Variants in CDK6 observed in about 807,000 individuals in gnomAD.
CDK6 encodes the protein cyclin-dependent kinase 6.
CDK6 carries 6 observed loss-of-function variants against 37.1 expected under a neutral mutation model. That is an observed-to-expected ratio of 0.16 (90% CI 0.09 to 0.32). CDK6 has a LOEUF of 0.32. Ranked by LOEUF, CDK6 falls within the 10% of genes least tolerant of loss-of-function variation. The probability of loss-of-function intolerance (pLI) is 1.00; values close to 1 mark genes in which losing one functional copy is unlikely to be tolerated. For synonymous variants in CDK6, 160 were observed against 161.3 expected (o/e 0.99, Z 0.06); for missense variants, 224 against 418.9 (o/e 0.53, Z 4.06).
Position 92,611,114 on chromosome 7 carries a change from T to TA in CDK6, c.*4025dup, listed in dbSNP as rs1303229481. 4.4e-6 allele frequency: 1 copy of TA among 227,176 alleles called. No homozygotes were observed. The highest frequency in any genetic ancestry group is 2.2e-5 in the African/African-American group (1 of 44,994). The allele number at this position is 227,176 out of a possible 1,614,324, so 14.1% of individuals were successfully genotyped here. A position where few individuals can be genotyped will look rare whatever the true frequency, so the allele number is the denominator to read the frequency against. Reference sequence around the variant, plus strand: ...TATATATAGCTTTGAAACTACCCTTTAAATACCTTCATTTTCTCCAGAATT... The same window carrying TA: ...TATATATAGCTTTGAAACTACCCTTTAAAATACCTTCATTTTCTCCAGAATT... On this transcript the variant is annotated 3_prime_UTR_variant, in exon 8 of 8. Transcript: ENST00000424848.
intron 5 of CDK6, among the ~76,000 whole-genome samples, chr7:92,632,540 G>A (rs531478633): frequency 6.6e-6 from 1 of 152,216 alleles, no homozygotes; most frequent in South Asian, 2.1e-4. Flanking sequence ...CCAGTGTCTA[G>A]TATTGTGAGT....
Position 92,626,044 on chromosome 7 carries a change from G to T in CDK6, c.648-2958C>A, listed in dbSNP as rs188575471. On this transcript the variant is annotated intron_variant, in intron 5 of 7. Transcript: ENST00000424848. Reference sequence around the variant, plus strand: ...ACTCATTACCACATTCTATTCTAGAGTTGTTATCAGTTAAGTTAAAATTGT... The same window carrying T: ...ACTCATTACCACATTCTATTCTAGATTTGTTATCAGTTAAGTTAAAATTGT... Among the ~76,000 whole-genome samples, 297 of 152,046 alleles carry T rather than the reference G, an allele frequency of 2.0e-3. 3 individuals carry two copies. The highest frequency in any genetic ancestry group is 7.0e-3 in the African/African-American group (289 of 41,500).
intron 3 of CDK6, among the ~76,000 whole-genome samples, chr7:92,770,515 A>G (rs963193140): frequency 2.0e-5 from 3 of 152,154 alleles, no homozygotes; most frequent in South Asian, 2.1e-4. Context: ...TTACCCAACT[A>G]TCAACCTTTA....
chr7:92,732,580 G>A (rs563266901), intron 3 of CDK6, among the ~76,000 whole-genome samples: 2 of 152,128 alleles, frequency 1.3e-5, no homozygotes, highest in Non-Finnish European at 2.9e-5. Flanking sequence ...TTCCACAAGA[G>A]TAGAACAGAT....
intron 5 of CDK6, among the ~76,000 whole-genome samples, chr7:92,661,136 G>A (rs575889581): frequency 1.3e-5 from 2 of 152,140 alleles, no homozygotes; most frequent in African/African-American, 2.4e-5. Context: ...TGAGAATGGA[G>A]AGGAGGCTCC....
intron 4 of CDK6, among the ~76,000 whole-genome samples, chr7:92,713,571 G>A (rs1031547222): frequency 3.3e-5 from 5 of 149,400 alleles, no homozygotes; most frequent in African/African-American, 4.9e-5. Flanking sequence ...CACTGATTAA[G>A]CTTCCATTTA....
intron 2 of CDK6, among the ~76,000 whole-genome samples, chr7:92,778,822 CATT>C (rs1306274446): frequency 1.3e-5 from 2 of 150,986 alleles, no homozygotes; most frequent in African/African-American, 4.9e-5. Context: ...AAATATTTCC[CATT>C]ATAATTAATA....
At chr7:92,724,982 T>C in intron 4 of CDK6, 3 of 963,246 alleles carry the variant, frequency 3.1e-6, no homozygotes, top group Non-Finnish European at 3.7e-6. Flanking sequence ...AGCTAACCAA[T>C]GTCAATAGCT....
At chr7:92,740,747 G>A (rs2115629738) in intron 3 of CDK6, among the ~76,000 whole-genome samples, 1 of 152,262 alleles carries the variant, frequency 6.6e-6, no homozygotes, top group Admixed American at 6.5e-5. Context: ...TGGAGAACAA[G>A]GATGCCTTGT....
Position 92,609,797 on chromosome 7 carries a change from T to TG in CDK6, c.*5342dup. 1 of 230,464 alleles carries TG rather than the reference T, an allele frequency of 4.3e-6. No homozygotes were observed. Among genetic ancestry groups the TG allele is most frequent in the Non-Finnish European group, 8.6e-6 (1 of 116,338 alleles). The allele number at this position is 230,464 out of a possible 1,614,324, so 14.3% of individuals were successfully genotyped here. On this transcript the variant is annotated 3_prime_UTR_variant, in exon 8 of 8. Transcript: ENST00000424848. ...TTTTAATCTAGAAAAGTAAGGTAACTGGGTACTTCAAAAATTTTTTCTTGA... is the reference window on the plus strand; with the variant it reads ...TTTTAATCTAGAAAAGTAAGGTAACTGGGGTACTTCAAAAATTTTTTCTTGA...
chr7:92,641,680 A>C (rs1385872524), intron 5 of CDK6, among the ~76,000 whole-genome samples: 5 of 152,246 alleles, frequency 3.3e-5, no homozygotes, highest in African/African-American at 1.2e-4. Context: ...GATTTTTAAA[A>C]AACAGTCCAG....
At chr7:92,811,139 A>T (rs1800873352) in intron 2 of CDK6, among the ~76,000 whole-genome samples, 1 of 152,204 alleles carries the variant, frequency 6.6e-6, no homozygotes, top group Non-Finnish European at 1.5e-5. Context: ...AACATAAATA[A>T]TCAGTACCCA....
intron 5 of CDK6, among the ~76,000 whole-genome samples, chr7:92,646,522 C>T (rs757028762): frequency 6.2e-4 from 94 of 151,822 alleles, no homozygotes; most frequent in Non-Finnish European, 1.0e-3. Context: ...CTCAGCCTCC[C>T]GAGTAGCTGG....
chr7:92,680,807 C>T (rs182561326), intron 4 of CDK6, among the ~76,000 whole-genome samples: 1 of 152,294 alleles, frequency 6.6e-6, no homozygotes, highest in East Asian at 1.9e-4. Context: ...CTCTGCAGGT[C>T]CAGATCCTAC....
chr7:92,625,344 C>G (rs1274422635), intron 5 of CDK6, among the ~76,000 whole-genome samples: 1 of 151,778 alleles, frequency 6.6e-6, no homozygotes, highest in Non-Finnish European at 1.5e-5. Context: ...CCATTTGCCA[C>G]CATGTGGTGA....
chr7:92,767,528 G>C (rs1014552849), intron 3 of CDK6, among the ~76,000 whole-genome samples: 8 of 152,102 alleles, frequency 5.3e-5, no homozygotes. Context: ...TCCCACAGTT[G>C]TTAGAGCTCA....
chr7:92,647,944 T>A (rs974461133), intron 5 of CDK6, among the ~76,000 whole-genome samples: 1 of 152,236 alleles, frequency 6.6e-6, no homozygotes, highest in Non-Finnish European at 1.5e-5. Context: ...CTTTGGAAGA[T>A]GATAGTGTCT....
intron 2 of CDK6, among the ~76,000 whole-genome samples, chr7:92,807,437 T>A (rs1800756433): frequency 6.6e-6 from 1 of 151,868 alleles, no homozygotes; most frequent in African/African-American, 2.4e-5. Context: ...TACATCTCTT[T>A]ATCTAGACAT....
intron 2 of CDK6, among the ~76,000 whole-genome samples, chr7:92,795,783 TTTC>T (rs1002760866): frequency 6.6e-6 from 1 of 152,158 alleles, no homozygotes; most frequent in Non-Finnish European, 1.5e-5. Context: ...TTAACCAGTT[TTTC>T]TTGTGTCAGA....
Sources: gnomAD v4.1 joint callset for allele counts (sites outside exome capture counted in the v4.1 genomes callset) on GRCh38, gnomAD v4.1.1 for gene constraint, MANE v1.5 for transcripts, NCBI Gene and HGNC (gene_info 2026-07-23, HGNC 2026-07-21) for gene names.